RRAGD: variants seen among roughly 807,000 people sequenced by gnomAD.
RRAGD encodes the protein ras-related GTP-binding protein D.
RRAGD carries 12 observed loss-of-function variants against 35.5 expected under a neutral mutation model. That is an observed-to-expected ratio of 0.34 (90% CI 0.22 to 0.55). The LOEUF is 0.55. RRAGD is among the 20% of genes least tolerant of loss of function. The pLI is 0.91. For missense variants in RRAGD, 324 were observed against 490.1 expected (o/e 0.66, Z 3.20); for synonymous variants, 155 against 178.9 (o/e 0.87, Z 1.07).
intron 1 of RRAGD, among the ~76,000 whole-genome samples, chr6:89,406,328 G>A (rs1156343952): frequency 6.6e-6 from 1 of 152,000 alleles, no homozygotes; most frequent in African/African-American, 2.4e-5. Context: ...AGGCATTTCC[G>A]GCCCAAATGT....
At chr6:89,380,912 G>GA (rs60978384) in intron 2 of RRAGD, among the ~76,000 whole-genome samples, 91,627 of 136,642 alleles carry the variant, frequency 0.67, 30,118 homozygotes, top group African/African-American at 0.78. Flanking sequence ...GTCACAAAAA[G>GA]AAAAAAAAAA....
intron 2 of RRAGD, among the ~76,000 whole-genome samples, chr6:89,382,918 G>C (rs1043125284): frequency 6.6e-6 from 1 of 152,106 alleles, no homozygotes; most frequent in African/African-American, 2.4e-5. Flanking sequence ...AAAGGCAAAT[G>C]TCGGATTCTG....
chr6:89,411,951 C>G lies in RRAGD; in HGVS notation c.43G>C (p.Asp15His). Residue 15 changes from aspartate (D) to histidine (H), a missense_variant, in exon 1 of 7, where the codon GAC becomes CAC. By Grantham distance (81) the Asp-to-His change is moderately conservative. This residue lies in a region of RRAGD where 96 missense variants were observed against 78.7 expected (regional missense o/e 1.22). Coordinates refer to ENST00000369415, the MANE Select transcript of RRAGD (RefSeq NM_021244.5). The surrounding 1 kb of genome is among the most constrained non-coding windows in gnomAD (Gnocchi z 5.6). ...TCCTCCTCCTCCTCCTCCTCCGCGT[C>G]GTCCTCGTCCTGCGGCTGCGGCTTC... ...LGKPQPQDED[D>H]AEEEEEEDEL... 1.3e-6 allele frequency: 2 copies of G among 1,538,452 alleles called. No individual in the cohort carries two copies. The highest frequency in any genetic ancestry group is 1.7e-6 in the Non-Finnish European group (2 of 1,146,104).
At chr6:89,405,177 C>T (rs1391446449) in intron 1 of RRAGD, among the ~76,000 whole-genome samples, 4 of 151,554 alleles carry the variant, frequency 2.6e-5, no homozygotes, top group Admixed American at 2.0e-4. Flanking sequence ...GGTGAAAACC[C>T]GTCTCTACTA....
At chr6:89,376,566 G>C (rs1768950022) in intron 5 of RRAGD, among the ~76,000 whole-genome samples, 1 of 152,148 alleles carries the variant, frequency 6.6e-6, no homozygotes, top group Admixed American at 6.5e-5. Flanking sequence ...ATCTTAATAA[G>C]ATGAACAACT....
Position 89,380,912 on chromosome 6 carries a change from GA to G in RRAGD, c.445-546del, listed in dbSNP as rs60978384. ...ACAGAGTAAGACTCGGTCACAAAAA[GA>G]AAAAAAAAAAAAAAGATCAGAGTTG... is the stretch of plus-strand genomic sequence containing the variant. On this transcript the variant is annotated intron_variant, in intron 2 of 6. Coordinates refer to ENST00000369415, the MANE Select transcript of RRAGD (RefSeq NM_021244.5). 1.6e-3 allele frequency among the ~76,000 whole-genome samples: 213 copies of G among 136,750 alleles called. 1 individual carries two copies. In the East Asian group the frequency reaches 0.016, roughly 10 times the overall value. The allele number at this position is 136,750 out of a possible 152,430, so 89.7% of individuals were successfully genotyped here.
At chr6:89,393,307 C>G (rs1769272234) in intron 1 of RRAGD, among the ~76,000 whole-genome samples, 1 of 152,216 alleles carries the variant, frequency 6.6e-6, no homozygotes, top group Non-Finnish European at 1.5e-5. Context: ...TGGCAGAGTT[C>G]TGCTGTAGAG....
chr6:89,368,788 GTAT>G (rs1768802350), intron 6 of RRAGD, among the ~76,000 whole-genome samples: 2 of 152,294 alleles, frequency 1.3e-5, no homozygotes, highest in Admixed American at 1.3e-4. Context: ...TCAGTATTAA[GTAT>G]TTTAAGTGGA....
intron 1 of RRAGD, among the ~76,000 whole-genome samples, chr6:89,401,361 G>A (rs1413098414): frequency 2.0e-5 from 3 of 151,802 alleles, no homozygotes; most frequent in South Asian, 2.1e-4. Flanking sequence ...AGGTTCGAGC[G>A]ATTCTCCTAC....
At chr6:89,380,767 C>T (rs141746620) in intron 2 of RRAGD, among the ~76,000 whole-genome samples, 1,858 of 152,040 alleles carry the variant, frequency 0.012, 30 homozygotes, top group African/African-American at 0.043. Context: ...ATTAGCCAGG[C>T]GTGGTGGCAT....
At chr6:89,397,792 A>T (rs1053096531) in intron 1 of RRAGD, among the ~76,000 whole-genome samples, 37 of 152,322 alleles carry the variant, frequency 2.4e-4, no homozygotes, top group Non-Finnish European at 3.2e-4. Context: ...AAATTTTTTT[A>T]AAAAATGTAA....
intron 4 of RRAGD, 95 bp downstream of exon 4, chr6:89,379,129 T>A (rs1412182207): frequency 1.7e-6 from 1 of 591,774 alleles, no homozygotes; most frequent in Non-Finnish European, 2.9e-6. Context: ...GACCTTGAAA[T>A]GCTATAGAAG....
chr6:89,388,209 T>C (rs999558269), intron 1 of RRAGD, among the ~76,000 whole-genome samples: 2 of 152,160 alleles, frequency 1.3e-5, no homozygotes, highest in Non-Finnish European at 2.9e-5. Flanking sequence ...TCCAGTAAGG[T>C]AGCTACTAGC....
At chr6:89,395,430 G>A (rs1769314945) in intron 1 of RRAGD, among the ~76,000 whole-genome samples, 1 of 152,074 alleles carries the variant, frequency 6.6e-6, no homozygotes, top group Non-Finnish European at 1.5e-5. Flanking sequence ...TAAATCGATA[G>A]AACTATAATC....
intron 5 of RRAGD, among the ~76,000 whole-genome samples, chr6:89,374,435 C>T (rs902157038): frequency 2.6e-5 from 4 of 152,080 alleles, no homozygotes; most frequent in Non-Finnish European, 4.4e-5. Context: ...TACATGGCCA[C>T]TTAAAAGTAA....
chr6:89,411,537 G>C lies in RRAGD; in HGVS notation c.148+309C>G. 8.1e-6 allele frequency: 3 copies of C among 368,612 alleles called. No individual in the cohort carries two copies. Among genetic ancestry groups the C allele is most frequent in the South Asian group, 3.4e-5 (1 of 29,042 alleles). The allele number at this position is 368,612 out of a possible 1,614,324, so 22.8% of individuals were successfully genotyped here. A position where few individuals can be genotyped will look rare whatever the true frequency, so the allele number is the denominator to read the frequency against. ...AACCGCCAGACGCTGCGGAGAGCTT[G>C]GGGTGAGGGGCGCGGGAGGCACCGG... On this transcript the variant is annotated intron_variant, in intron 1 of 6. Transcript: ENST00000369415. This position sits in a 1 kb window ranked among gnomAD's most constrained non-coding sequence, Gnocchi z 5.6.
chr6:89,365,073 T>C lies in RRAGD; in HGVS notation c.*2983A>G, dbSNP rs1027621098. 2 of 152,146 alleles carry C rather than the reference T, an allele frequency of 1.3e-5. No individual in the cohort carries two copies. The highest frequency in any genetic ancestry group is 4.8e-5 in the African/African-American group (2 of 41,438). 9.4% of individuals were successfully genotyped at this position (152,146 alleles called of 1,614,324 possible). ...TTTCCAGAGTATATTTCAAACAGAGTTGGCATATAACCCGTATGTAACAAT... is the reference window on the plus strand; with the variant it reads ...TTTCCAGAGTATATTTCAAACAGAGCTGGCATATAACCCGTATGTAACAAT... On this transcript the variant is annotated 3_prime_UTR_variant, in exon 7 of 7. Transcript: ENST00000369415.
chr6:89,375,244 A>C (rs1768916816), intron 5 of RRAGD, among the ~76,000 whole-genome samples: 1 of 152,196 alleles, frequency 6.6e-6, no homozygotes, highest in Non-Finnish European at 1.5e-5. Context: ...TATTCTTTAG[A>C]CTTTTATGTA....
intron 1 of RRAGD, among the ~76,000 whole-genome samples, chr6:89,406,073 G>A (rs970164618): frequency 1.9e-4 from 29 of 152,136 alleles, no homozygotes; most frequent in African/African-American, 6.5e-4. Context: ...TATTTAGCGT[G>A]AAAACTAAAT....
Sources: allele counts gnomAD v4.1 joint callset (sites outside exome capture counted in the v4.1 genomes callset), GRCh38; gene constraint gnomAD v4.1.1; regional missense constraint gnomAD v4.1.1; non-coding constraint Gnocchi (gnomAD v3.1); transcripts MANE v1.5; gene names NCBI Gene and HGNC (gene_info 2026-07-23, HGNC 2026-07-21).